Variants in STAT5B observed in about 807,000 individuals in gnomAD.
STAT5B encodes the protein transcription factor STAT5B.
Under a neutral mutation model 107.8 loss-of-function variants are expected in STAT5B, and 21 were observed. The ratio of observed to expected loss-of-function variants is 0.19; its 90% CI spans 0.14 to 0.28. The LOEUF is 0.28. Among genes scored for constraint, STAT5B ranks in the 10% least tolerant of loss-of-function variants. The pLI, the probability that STAT5B is intolerant of heterozygous loss-of-function variation, is 1.00. For missense variants in STAT5B, 565 were observed against 1,008.2 expected, an observed-to-expected ratio of 0.56 and a Z score of 5.95; for synonymous variants, 325 against 401.7, an observed-to-expected ratio of 0.81 and a Z score of 2.28.
chr17:42,203,627 TTTTC>T (rs1742554692), intron 16 of STAT5B, among the ~76,000 whole-genome samples: 1 of 151,648 alleles, frequency 6.6e-6, no homozygotes, highest in African/African-American at 2.4e-5. Context: ...TCACTGGAGG[TTTTC>T]TTTTTTTTCT....
At chr17:42,272,913 T>C (rs962309968) in intron 1 of STAT5B, among the ~76,000 whole-genome samples, 6 of 152,182 alleles carry the variant, frequency 3.9e-5, no homozygotes, top group South Asian at 2.1e-4. Flanking sequence ...CACCTGTAAA[T>C]TGCTCTTCTC....
At chr17:42,286,743 C>T in the STAT5B span, among the ~76,000 whole-genome samples, 5 of 152,330 alleles carry the variant, frequency 3.3e-5, no homozygotes, top group Admixed American at 6.5e-5. Flanking sequence ...AACTGACTTC[C>T]ACACCTGCCT....
At chr17:42,202,958 T>G in intron 16 of STAT5B, 150 bp from the exon 17 acceptor site, 1 of 1,077,236 alleles carries the variant, frequency 9.3e-7, no homozygotes, top group Non-Finnish European at 1.4e-6. Flanking sequence ...TTTGTTTTGT[T>G]TTTTGAAACA....
intron 15 of STAT5B, 118 bp downstream of exon 15, chr17:42,210,053 A>T (rs886751347): frequency 1.4e-6 from 2 of 1,462,412 alleles, no homozygotes. Context: ...CTATACATTT[A>T]TGTTTCCCAT....
chr17:42,271,919 C>T (rs2080724965), intron 1 of STAT5B: 1 of 152,146 alleles, frequency 6.6e-6, no homozygotes, highest in East Asian at 1.9e-4. Flanking sequence ...CATGCTAATG[C>T]AATACTGCTT....
At position 42,251,354 on chromosome 17, in the gene STAT5B, AGTT is replaced by A. The variant is rs532892529; in HGVS notation, c.-10-19220_-10-19218del. 1.1e-3 allele frequency among the ~76,000 whole-genome samples: 167 copies of A among 152,344 alleles called. 1 individual carries two copies. The highest frequency in any genetic ancestry group is 3.9e-3 in the African/African-American group (162 of 41,576). On this transcript the variant is annotated intron_variant, in intron 1 of 18. Transcript: ENST00000293328. ...ATGCAACATTTCCTATAAGAAGCTG[AGTT>A]GTTAACTTTGTTAAACTTGTTCGCA...
chr17:42,217,591 T>C (rs2080183080), intron 9 of STAT5B, 127 bp from the exon 10 acceptor site: 2 of 957,094 alleles, frequency 2.1e-6, no homozygotes, highest in South Asian at 1.4e-5. Flanking sequence ...TTAGAGGAAA[T>C]GTTAGCTACA....
At chr17:42,286,725 C>A in the STAT5B span, among the ~76,000 whole-genome samples, 3 of 152,212 alleles carry the variant, frequency 2.0e-5, no homozygotes, top group Non-Finnish European at 2.9e-5. Flanking sequence ...GAGGAATCTG[C>A]TCCCATCAAC....
chr17:42,208,633 GT>G (rs1598296272), intron 15 of STAT5B, among the ~76,000 whole-genome samples: 1 of 152,124 alleles, frequency 6.6e-6, no homozygotes, highest in Non-Finnish European at 1.5e-5. Flanking sequence ...AGAAGAAACA[GT>G]TTTTACTGGC....
intron 1 of STAT5B, among the ~76,000 whole-genome samples, chr17:42,260,078 T>C (rs1231764430): frequency 1.3e-5 from 2 of 152,242 alleles, no homozygotes; most frequent in East Asian, 1.9e-4. Flanking sequence ...TCTAGCAGCA[T>C]GTGCTACCTA....
At chr17:42,231,016 C>G (rs1276403293) in intron 2 of STAT5B, among the ~76,000 whole-genome samples, 1 of 151,838 alleles carries the variant, frequency 6.6e-6, no homozygotes, top group Admixed American at 6.6e-5. Context: ...ATTAAAAACA[C>G]CAATGTCTCC....
At chr17:42,213,304 T>C (rs1186626136) in intron 12 of STAT5B, among the ~76,000 whole-genome samples, 2 of 152,000 alleles carry the variant, frequency 1.3e-5, no homozygotes, top group Admixed American at 6.6e-5. Context: ...CCTCCTTAGC[T>C]CAAGTAATTA....
chr17:42,246,908 A>G (rs963733954), intron 1 of STAT5B, among the ~76,000 whole-genome samples: 2 of 152,230 alleles, frequency 1.3e-5, no homozygotes, highest in African/African-American at 4.8e-5. Context: ...TCATTACAAG[A>G]GCAGATCACA....
chr17:42,276,135 G>T lies in STAT5B; in HGVS notation c.-11+113C>A, dbSNP rs1439305938. ...ACCACCGCGGCCCGGGAGTGATGGCGGCGGCGCGGCCCTGACGGGCGGCTG... is the reference window on the plus strand; with the variant it reads ...ACCACCGCGGCCCGGGAGTGATGGCTGCGGCGCGGCCCTGACGGGCGGCTG... On this transcript the variant is annotated intron_variant, in intron 1 of 18. Coordinates refer to ENST00000293328, the MANE Select transcript of STAT5B (RefSeq NM_012448.4). The surrounding 1 kb of genome is among the most constrained non-coding windows in gnomAD (Gnocchi z 4.8). 1 of 149,684 alleles carries T rather than the reference G, an allele frequency of 6.7e-6. No individual in the cohort carries two copies. Among genetic ancestry groups the T allele is most frequent in the Non-Finnish European group, 1.5e-5 (1 of 67,286 alleles). The allele number at this position is 149,684 out of a possible 1,614,324, so 9.3% of individuals were successfully genotyped here.
chr17:42,236,688 C>A (rs575736108), intron 1 of STAT5B, among the ~76,000 whole-genome samples: 1 of 152,294 alleles, frequency 6.6e-6, no homozygotes, highest in African/African-American at 2.4e-5. Flanking sequence ...CTGCCCGCCT[C>A]GGCCTCCCAA....
chr17:42,217,675 A>T, intron 9 of STAT5B: 2 of 604,462 alleles, frequency 3.3e-6, no homozygotes, highest in South Asian at 3.9e-5. Flanking sequence ...CACAGAAAAC[A>T]GTTCCTAAGA....
upstream of STAT5B, among the ~76,000 whole-genome samples, chr17:42,278,091 C>T (rs1448458138): frequency 2.6e-5 from 4 of 152,180 alleles, no homozygotes; most frequent in Non-Finnish European, 5.9e-5. Context: ...CATCCCTGCA[C>T]ACATGCTATT....
intron 1 of STAT5B, among the ~76,000 whole-genome samples, chr17:42,248,496 G>A (rs1312960815): frequency 2.0e-5 from 3 of 152,110 alleles, no homozygotes; most frequent in Non-Finnish European, 2.9e-5. Flanking sequence ...CACTCATAGT[G>A]GGAGTAAATA....
At chr17:42,233,515 G>C (rs965042970) in intron 1 of STAT5B, among the ~76,000 whole-genome samples, 4 of 150,738 alleles carry the variant, frequency 2.7e-5, no homozygotes, top group African/African-American at 9.8e-5. Flanking sequence ...ATTTGAGACG[G>C]AGTCTTGCTC....
Sources: gnomAD v4.1 joint callset for allele counts (sites outside exome capture counted in the v4.1 genomes callset) on GRCh38, gnomAD v4.1.1 for gene constraint, Gnocchi (gnomAD v3.1) non-coding constraint, MANE v1.5 for transcripts, NCBI Gene and HGNC (gene_info 2026-07-23, HGNC 2026-07-21) for gene names.